The following GRIK3 variants were observed in gnomAD, a reference collection of about 807,000 sequenced individuals.
GRIK3 encodes the protein glutamate receptor ionotropic, kainate 3.
Under a neutral mutation model 102.5 loss-of-function variants are expected in GRIK3, and 29 were observed. The ratio of observed to expected loss-of-function variants is 0.28; its 90% CI spans 0.21 to 0.39. GRIK3 has a LOEUF of 0.39. Ranked by LOEUF, GRIK3 falls within the 10% of genes least tolerant of loss-of-function variation. GRIK3 has a pLI of 1.00. For missense variants in GRIK3, 908 were observed against 1,252.4 expected (o/e 0.73, Z 4.15); for synonymous variants, 511 against 504.9 (o/e 1.01, Z -0.16).
At chr1:36,951,279 C>T (rs946958798) in intron 1 of GRIK3, among the ~76,000 whole-genome samples, 10 of 152,216 alleles carry the variant, frequency 6.6e-5, no homozygotes, top group Non-Finnish European at 1.2e-4. Context: ...CAACAGAATG[C>T]CGGACTCAGG....
chr1:36,982,977 A>G (rs992525866), intron 1 of GRIK3, among the ~76,000 whole-genome samples: 3 of 152,188 alleles, frequency 2.0e-5, no homozygotes, highest in Non-Finnish European at 4.4e-5. Flanking sequence ...CTCAAGAGCG[A>G]GCCCTGGCCG....
intron 1 of GRIK3, among the ~76,000 whole-genome samples, chr1:37,012,079 A>G (rs1642602323): frequency 6.6e-6 from 1 of 152,204 alleles, no homozygotes; most frequent in South Asian, 2.1e-4. Flanking sequence ...TGATACACAG[A>G]GGAGAAAAAT....
chr1:36,857,230 C>T (rs1198913932), intron 7 of GRIK3, among the ~76,000 whole-genome samples: 2 of 152,166 alleles, frequency 1.3e-5, no homozygotes, highest in Non-Finnish European at 2.9e-5. Context: ...GAGGTGTGGC[C>T]TGGGACACCG....
At chr1:36,994,608 G>A (rs1642398969) in intron 1 of GRIK3, among the ~76,000 whole-genome samples, 2 of 152,176 alleles carry the variant, frequency 1.3e-5, no homozygotes, top group Admixed American at 1.3e-4. Context: ...CTCCTTTTGT[G>A]AGTTGGTACC....
At chr1:36,811,579 G>A (rs891886288) in intron 13 of GRIK3, among the ~76,000 whole-genome samples, 5 of 152,184 alleles carry the variant, frequency 3.3e-5, no homozygotes, top group African/African-American at 1.2e-4. Flanking sequence ...GTGAATACAT[G>A]AATTATCACA....
intron 1 of GRIK3, among the ~76,000 whole-genome samples, chr1:36,952,806 G>A (rs1214951268): frequency 1.3e-5 from 2 of 152,210 alleles, no homozygotes; most frequent in African/African-American, 4.8e-5. Flanking sequence ...GTGTTGGGGG[G>A]TCTAATTTAT....
chr1:36,807,233 T>G (rs1279695193), intron 13 of GRIK3, among the ~76,000 whole-genome samples: 1 of 151,696 alleles, frequency 6.6e-6, no homozygotes, highest in Non-Finnish European at 1.5e-5. Context: ...CGCAGAGAGG[T>G]CACTGGGGCC....
chr1:36,817,263 G>C lies in GRIK3; in HGVS notation c.1888C>G (p.Pro630Ala). 1 of 1,611,432 alleles carries C rather than the reference G, an allele frequency of 6.2e-7. No homozygotes were observed. Among genetic ancestry groups the C allele is most frequent in the Non-Finnish European group, 8.5e-7 (1 of 1,177,580 alleles). Residue 630 changes from proline (P) to alanine (A), a missense_variant, in exon 13 of 16, where the codon CCC becomes GCC. This residue lies in a region of GRIK3 where 26 missense variants were observed against 64.8 expected (regional missense o/e 0.40). Coordinates refer to ENST00000373091, the MANE Select transcript of GRIK3 (RefSeq NM_000831.4). ...ATGATGCGTGTGGACAGGGCTTTGG[G>C]CATCAGCTCAGACCCTGGGCGAAGA... ...SLMQQGSELM[P>A]KALSTRIIGG...
At chr1:36,861,582 G>A (rs1640725833) in intron 5 of GRIK3, among the ~76,000 whole-genome samples, 1 of 152,218 alleles carries the variant, frequency 6.6e-6, no homozygotes, top group African/African-American at 2.4e-5. Flanking sequence ...AGGATGATGA[G>A]TGATAAAGCC....
At chr1:36,868,161 AC>A (rs138196549) in intron 5 of GRIK3, among the ~76,000 whole-genome samples, 2,915 of 151,764 alleles carry the variant, frequency 0.019, 146 homozygotes, top group East Asian at 0.14. Flanking sequence ...AAAGTTGTGG[AC>A]CCCTGGAATG....
At chr1:36,851,123 G>A (rs529115843) in intron 8 of GRIK3, among the ~76,000 whole-genome samples, 177 of 152,324 alleles carry the variant, frequency 1.2e-3, no homozygotes, top group Non-Finnish European at 2.1e-3. Flanking sequence ...GAAGGCTTCT[G>A]CATGCCCACT....
Position 36,899,136 on chromosome 1 carries a change from G to A in GRIK3, c.116-8040C>T, listed in dbSNP as rs75796294. Among the ~76,000 whole-genome samples the A allele has an allele frequency of 7.0e-4, 107 of 152,196 alleles. 2 individuals carry two copies. In the South Asian group the frequency reaches 8.7e-3, roughly 12 times the overall value. On this transcript the variant is annotated intron_variant, in intron 1 of 15. Coordinates refer to ENST00000373091, the MANE Select transcript of GRIK3 (RefSeq NM_000831.4). ...GATTGAATTTGGCAACAATCTCTTG[G>A]ATATGACACCAAAGGCACAGACAAG...
chr1:36,856,152 G>A (rs1640648668), intron 7 of GRIK3, among the ~76,000 whole-genome samples: 1 of 152,216 alleles, frequency 6.6e-6, no homozygotes. Flanking sequence ...CCCTCAGGCT[G>A]GCTCCCCAGT....
At position 36,819,969 on chromosome 1, in the gene GRIK3, G is replaced by C. The variant is rs1312036863; in HGVS notation, c.1755-115C>G. The stretch of plus-strand genomic sequence containing the variant: ...GCCGCCTCAGCGTCAATATCCTCAT[G>C]GTTCTGCTGGGAGGCAGGGCAGGGG... On this transcript the variant is annotated intron_variant, in intron 11 of 15. Transcript: ENST00000373091. This position sits in a 1 kb window ranked among gnomAD's most constrained non-coding sequence, Gnocchi z 4.1. 5.1e-5 allele frequency: 33 copies of C among 642,890 alleles called. 2 individuals carry two copies. The South Asian group carries it at 5.8e-4, about 11-fold the overall frequency. 39.8% of individuals were successfully genotyped at this position (642,890 alleles called of 1,614,324 possible). A position where few individuals can be genotyped will look rare whatever the true frequency, so the allele number is the denominator to read the frequency against.
chr1:37,020,393 C>G (rs1187662467), intron 1 of GRIK3, among the ~76,000 whole-genome samples: 1 of 152,198 alleles, frequency 6.6e-6, no homozygotes, highest in Non-Finnish European at 1.5e-5. Flanking sequence ...GTCTCCACAA[C>G]TCAGGAAATA....
At chr1:36,970,143 C>T (rs951749397) in intron 1 of GRIK3, among the ~76,000 whole-genome samples, 2 of 152,152 alleles carry the variant, frequency 1.3e-5, no homozygotes, top group African/African-American at 2.4e-5. Context: ...TAAACACATA[C>T]AGAGGCAGAA....
intron 1 of GRIK3, among the ~76,000 whole-genome samples, chr1:36,951,337 A>T (rs1012924242): frequency 1.3e-5 from 2 of 152,246 alleles, no homozygotes; most frequent in Non-Finnish European, 2.9e-5. Context: ...AAGGGACAGC[A>T]AATACTTAGG....
At chr1:36,982,433 T>C (rs149305613) in intron 1 of GRIK3, among the ~76,000 whole-genome samples, 1 of 152,354 alleles carries the variant, frequency 6.6e-6, no homozygotes, top group Non-Finnish European at 1.5e-5. Flanking sequence ...GCTGAAAGCC[T>C]CGCGTCCTTG....
chr1:36,985,364 G>A (rs1232776357), intron 1 of GRIK3, among the ~76,000 whole-genome samples: 1 of 152,096 alleles, frequency 6.6e-6, no homozygotes, highest in African/African-American at 2.4e-5. Flanking sequence ...CCTGTACCTG[G>A]AGCACCCTCC....
Sources: allele counts gnomAD v4.1 joint callset (sites outside exome capture counted in the v4.1 genomes callset), GRCh38; gene constraint gnomAD v4.1.1; regional missense constraint gnomAD v4.1.1; non-coding constraint Gnocchi (gnomAD v3.1); transcripts MANE v1.5; gene names NCBI Gene and HGNC (gene_info 2026-07-23, HGNC 2026-07-21).